Variants in RNF212 observed in about 807,000 individuals in gnomAD.
RNF212 encodes the protein ring finger protein 212.
A neutral mutation model predicts 34.7 loss-of-function variants in RNF212; 33 were observed. The observed-to-expected ratio is 0.95, with a 90% CI of 0.72 to 1.27. RNF212 has a LOEUF of 1.27. RNF212 is among the 50% of genes most tolerant of loss of function. The pLI is 0.00. For synonymous variants in RNF212, 140 were observed against 136.1 expected, an observed-to-expected ratio of 1.03 and a Z score of -0.20; for missense variants, 377 against 362.2, an observed-to-expected ratio of 1.04 and a Z score of -0.33.
At chr4:1,090,543 G>A (rs651135) in intron 4 of RNF212, among the ~76,000 whole-genome samples, 28,151 of 152,186 alleles carry the variant, frequency 0.18, 4,230 homozygotes, top group African/African-American at 0.42. Context: ...GTGTGGCCAG[G>A]CAGGGAGGCC....
intron 4 of RNF212, chr4:1,058,290 A>AAGTAGGTGCTTGCGGGGGTTAGAACGCT (rs1560086786): frequency 2.7e-6 from 1 of 366,286 alleles, no homozygotes; most frequent in African/African-American, 2.4e-5. Context: ...GTTAGAACGC[A>AAGTAGGTGCTTGCGGGGGTTAGAACGCT]GTGAAGAAGG....
rs73792268 is a variant in RNF212 at position 1,094,141 on chromosome 4, C to T, written c.246+2624G>A. 7.5e-4 allele frequency: 896 copies of T among 1,198,532 alleles called. 11 individuals carry two copies. In the African/African-American group the frequency reaches 0.013, roughly 17 times the overall value. 74.2% of individuals were successfully genotyped at this position (1,198,532 alleles called of 1,614,324 possible). A position where few individuals can be genotyped will look rare whatever the true frequency, so the allele number is the denominator to read the frequency against. ...AGAGTGCCATGCAGGGGTCCATCCTCAGTCTCCTGCCTCAGATCCTGGCTG... is the reference window on the plus strand; with the variant it reads ...AGAGTGCCATGCAGGGGTCCATCCTTAGTCTCCTGCCTCAGATCCTGGCTG... On this transcript the variant is annotated intron_variant, in intron 3 of 9. Coordinates refer to ENST00000433731, the MANE Select transcript of RNF212 (RefSeq NM_001131034.4).
At chr4:1,105,576 A>G (rs1338098304) in intron 2 of RNF212, among the ~76,000 whole-genome samples, 1 of 152,220 alleles carries the variant, frequency 6.6e-6, no homozygotes, top group Non-Finnish European at 1.5e-5. Flanking sequence ...GGGGAAGTCC[A>G]CTTACAATGT....
chr4:1,096,773 T>C lies in RNF212; in HGVS notation c.238A>G (p.Thr80Ala), dbSNP rs1723129123. 1 of 1,612,126 alleles carries C rather than the reference T, an allele frequency of 6.2e-7. No homozygotes were observed. Among genetic ancestry groups the C allele is most frequent in the Non-Finnish European group, 8.5e-7 (1 of 1,178,342 alleles). The change falls in exon 3 of 10, where the codon ACC becomes GCC. Residue 80 changes from threonine to alanine, a missense_variant. Physicochemically the swap from Thr to Ala is moderately conservative, Grantham distance 58. Transcript: ENST00000433731. ...DSLCKKYSRE[T>A]SQILEFQEKH... ...CACCCCTCACAGCTCACCTGGGAGG[T>C]TTCCCTGGAGTACTTCTTACACAGA... is the stretch of plus-strand genomic sequence containing the variant.
At chr4:1,104,819 G>A (rs759406169) in intron 2 of RNF212, among the ~76,000 whole-genome samples, 3 of 152,152 alleles carry the variant, frequency 2.0e-5, no homozygotes, top group African/African-American at 4.8e-5. Flanking sequence ...CTGCATCCTC[G>A]CCATGACCTG....
chr4:1,072,682 A>C lies in RNF212; in HGVS notation c.*192T>G, dbSNP rs946826673. 131 of 1,287,056 alleles carry C rather than the reference A, an allele frequency of 1.0e-4. No individual in the cohort carries two copies. In the South Asian group the frequency reaches 1.0e-3, roughly 10 times the overall value. 79.7% of individuals were successfully genotyped at this position (1,287,056 alleles called of 1,614,324 possible). A position where few individuals can be genotyped will look rare whatever the true frequency, so the allele number is the denominator to read the frequency against. On this transcript the variant is annotated 3_prime_UTR_variant, in exon 10 of 10. Transcript: ENST00000433731. ...AGGGATAATAACAATATATATGAGTACATAAAAATATTGTCTCTAAAATTC... is the reference window on the plus strand; with the variant it reads ...AGGGATAATAACAATATATATGAGTCCATAAAAATATTGTCTCTAAAATTC...
At chr4:1,085,865 C>A (rs959180909) in intron 5 of RNF212, 31 bp downstream of exon 5, 2 of 1,546,864 alleles carry the variant, frequency 1.3e-6, no homozygotes, top group Admixed American at 1.7e-5. Flanking sequence ...GGTGCCTCGA[C>A]TGCGCACTCA....
At position 1,089,070 on chromosome 4, in the gene RNF212, C is replaced by T. The variant is rs1160852719; in HGVS notation, c.303+1712G>A. 6.6e-5 allele frequency among the ~76,000 whole-genome samples: 10 copies of T among 152,226 alleles called. 1 individual carries two copies. The highest frequency in any genetic ancestry group is 2.2e-4 in the African/African-American group (9 of 41,468). ...CCAACTGGGGTGCTGCCTAGAGAAG[C>T]CATGAGAAGAGGGCCACTGTCCTCC... On this transcript the variant is annotated intron_variant, in intron 4 of 9. Transcript: ENST00000433731.
At chr4:1,061,110 T>C (rs4690212) in intron 3 of RNF212, among the ~76,000 whole-genome samples, 123,489 of 152,254 alleles carry the variant, frequency 0.81, 50,798 homozygotes, top group African/African-American at 0.94. Flanking sequence ...CGTTGCAGCT[T>C]TGGGAGGAGC....
intron 3 of RNF212, among the ~76,000 whole-genome samples, chr4:1,062,405 C>T (rs1475679893): frequency 6.6e-6 from 1 of 152,140 alleles, no homozygotes; most frequent in East Asian, 1.9e-4. Context: ...GGTAACAGAA[C>T]AAAACCCAAT....
At chr4:1,095,219 C>T (rs1259698132) in intron 3 of RNF212, among the ~76,000 whole-genome samples, 1 of 101,956 alleles carries the variant, frequency 9.8e-6, no homozygotes. Context: ...AGCACACTCC[C>T]CACAGCTCCA....
rs145990706 is a variant in RNF212, at chr4:1,071,692, T to C, written c.*1182A>G. On this transcript the variant is annotated 3_prime_UTR_variant, in exon 10 of 10. Transcript: ENST00000433731. ...GCATAAGATGCTCCTAGTCATATGT[T>C]ATCAATGAAATGCAAAATAAAACAG... 1 of 152,372 alleles carries C rather than the reference T, an allele frequency of 6.6e-6. No homozygotes were observed. Among genetic ancestry groups the C allele is most frequent in the African/African-American group, 2.4e-5 (1 of 41,590 alleles). 9.4% of individuals were successfully genotyped at this position (152,372 alleles called of 1,614,324 possible).
At chr4:1,083,891 A>T (rs1441426397) in intron 5 of RNF212, among the ~76,000 whole-genome samples, 2 of 152,154 alleles carry the variant, frequency 1.3e-5, no homozygotes, top group Non-Finnish European at 2.9e-5. Flanking sequence ...CACAGAATGA[A>T]AGAAAATTAT....
At chr4:1,090,643 C>A in intron 4 of RNF212, 139 bp downstream of exon 4, 1 of 656,784 alleles carries the variant, frequency 1.5e-6, no homozygotes, top group East Asian at 2.8e-5. Context: ...GACAACGTCC[C>A]CATAGCTGGA....
At chr4:1,106,051 C>T (rs1724769600) in intron 2 of RNF212, among the ~76,000 whole-genome samples, 1 of 152,118 alleles carries the variant, frequency 6.6e-6, no homozygotes, top group African/African-American at 2.4e-5. Context: ...TAAGCAGATC[C>T]CTCTGGCTGC....
chr4:1,113,363 G>C lies in RNF212; in HGVS notation c.102C>G (p.Leu34=), dbSNP rs965770064. The C allele has an allele frequency of 3.3e-6, 5 of 1,510,376 alleles. No individual in the cohort carries two copies. The highest frequency in any genetic ancestry group is 2.3e-5 in the South Asian group (2 of 86,064). 93.6% of individuals were successfully genotyped at this position (1,510,376 alleles called of 1,614,324 possible). The change falls in exon 1 of 10, where the codon CTC becomes CTG. Residue 34 remains leucine, a synonymous_variant. Transcript: ENST00000433731. ...NCGHVYCDAC[L]GKGKKNECLI... ...CGTTCGGGAAGCCCTGACCTTTGCC[G>C]AGGCAGGCGTCGCAGTACACGTGCC...
At position 1,073,107 on chromosome 4, in the gene RNF212, C is replaced by T; in HGVS notation, c.661G>A (p.Gly221Ser). Residue 221 changes from glycine to serine, a missense_variant, in exon 10 of 10, where the codon GGT becomes AGT. Gly to Ser is a moderately conservative substitution (Grantham distance 56, BLOSUM62 0). Coordinates refer to ENST00000433731, the MANE Select transcript of RNF212 (RefSeq NM_001131034.4). ...ACGTCTATGCAGAAACATGGTGAAC[C>T]TCTGGAAATGACACACTCTCCGGGC... ...PVPGECVISR[G>S]SPCFCIDVCP... 1.2e-6 allele frequency: 2 copies of T among 1,614,124 alleles called. No individual in the cohort carries two copies. Among genetic ancestry groups the T allele is most frequent in the Non-Finnish European group, 1.7e-6 (2 of 1,180,030 alleles).
intron 2 of RNF212, among the ~76,000 whole-genome samples, chr4:1,102,081 G>A (rs1724071630): frequency 6.6e-6 from 1 of 152,076 alleles, no homozygotes; most frequent in African/African-American, 2.4e-5. Context: ...ACACAGAAGG[G>A]AAGTTATGAC....
intron 3 of RNF212, among the ~76,000 whole-genome samples, chr4:1,065,958 C>G (rs981537326): frequency 6.9e-6 from 1 of 145,084 alleles, no homozygotes; most frequent in African/African-American, 2.4e-5. Flanking sequence ...TTCACTGCAG[C>G]CTTGACCTCC....
Sources: gnomAD v4.1 joint callset for allele counts (sites outside exome capture counted in the v4.1 genomes callset) on GRCh38, gnomAD v4.1.1 for gene constraint, MANE v1.5 for transcripts, NCBI Gene and HGNC (gene_info 2026-07-23, HGNC 2026-07-21) for gene names.